PIK3C2G: variants seen among roughly 807,000 people sequenced by gnomAD.
PIK3C2G encodes phosphatidylinositol 3-kinase C2 domain-containing subunit gamma.
A neutral mutation model predicts 181.1 loss-of-function variants in PIK3C2G; 168 were observed. The observed-to-expected ratio is 0.93, with a 90% CI of 0.82 to 1.05. The LOEUF is 1.05. Among genes scored for constraint, PIK3C2G ranks in the 50% least tolerant of loss-of-function variants. The pLI is 0.00. For synonymous variants in PIK3C2G, 573 were observed against 592.2 expected (o/e 0.97, Z 0.47); for missense variants, 1,869 against 1,732.8 (o/e 1.08, Z -1.40).
intron 6 of PIK3C2G, among the ~76,000 whole-genome samples, chr12:18,319,793 A>G (rs1951026058): frequency 6.6e-6 from 1 of 151,928 alleles, no homozygotes; most frequent in Admixed American, 6.6e-5. Flanking sequence ...TGTACTTTTC[A>G]TGACTACAGT....
At chr12:18,571,226 T>C (rs1945922419) in intron 29 of PIK3C2G, among the ~76,000 whole-genome samples, 2 of 151,094 alleles carry the variant, frequency 1.3e-5, no homozygotes, top group Admixed American at 6.6e-5. Context: ...TTTTTTGTTA[T>C]TTCTAGATTA....
intron 1 of PIK3C2G, among the ~76,000 whole-genome samples, chr12:18,272,161 T>C (rs867751748): frequency 6.6e-6 from 1 of 152,320 alleles, no homozygotes; most frequent in African/African-American, 2.4e-5. Flanking sequence ...TATTTTTAAG[T>C]ATTTTTTAAT....
chr12:18,562,423 C>G (rs1448908277), intron 26 of PIK3C2G, among the ~76,000 whole-genome samples: 1 of 152,320 alleles, frequency 6.6e-6, no homozygotes, highest in African/African-American at 2.4e-5. Flanking sequence ...TGAGCCACCG[C>G]GCCGGGCCAC....
the PIK3C2G span, among the ~76,000 whole-genome samples, chr12:18,726,689 T>C: frequency 6.6e-6 from 1 of 152,206 alleles, no homozygotes; most frequent in South Asian, 2.1e-4. Context: ...TATGAAATGT[T>C]ATTTAAAATA....
At chr12:18,349,170 T>C (rs1353091200) in intron 11 of PIK3C2G, among the ~76,000 whole-genome samples, 1 of 152,136 alleles carries the variant, frequency 6.6e-6, no homozygotes, top group Non-Finnish European at 1.5e-5. Context: ...CCACTACTTC[T>C]GCCATATTGT....
chr12:18,587,489 A>G (rs1433508807), intron 29 of PIK3C2G, among the ~76,000 whole-genome samples: 1 of 152,156 alleles, frequency 6.6e-6, no homozygotes, highest in East Asian at 1.9e-4. Flanking sequence ...CTAGGAACAC[A>G]ACTAACCAGA....
chr12:18,726,773 T>C, the PIK3C2G span, among the ~76,000 whole-genome samples: 4 of 152,182 alleles, frequency 2.6e-5, no homozygotes, highest in Admixed American at 2.6e-4. Flanking sequence ...GAGTTGGTTG[T>C]ATCTAAAATT....
At chr12:18,325,663 G>A (rs1951308659) in intron 8 of PIK3C2G, among the ~76,000 whole-genome samples, 2 of 149,882 alleles carry the variant, frequency 1.3e-5, no homozygotes, top group South Asian at 4.3e-4. Flanking sequence ...AGCCGAGATC[G>A]GGCCACTGTA....
chr12:18,340,806 G>A (rs1939064740), intron 9 of PIK3C2G, among the ~76,000 whole-genome samples: 2 of 152,178 alleles, frequency 1.3e-5, no homozygotes. Context: ...TGACAGTGTA[G>A]CTTAAATGAG....
At chr12:18,335,458 A>AGTGTGT (rs142557829) in intron 8 of PIK3C2G, among the ~76,000 whole-genome samples, 1 of 150,666 alleles carries the variant, frequency 6.6e-6, no homozygotes, top group African/African-American at 2.4e-5. Context: ...ACATGTGGGG[A>AGTGTGT]GTGTGTGTGT....
At chr12:18,307,902 C>T (rs887064146) in intron 5 of PIK3C2G, among the ~76,000 whole-genome samples, 1 of 151,882 alleles carries the variant, frequency 6.6e-6, no homozygotes, top group Non-Finnish European at 1.5e-5. Flanking sequence ...TCTAATACTA[C>T]AGTTTCTTTA....
chr12:18,682,331 A>G, the PIK3C2G span, among the ~76,000 whole-genome samples: 6 of 152,098 alleles, frequency 3.9e-5, no homozygotes, highest in African/African-American at 1.4e-4. Flanking sequence ...TATTTTAGTT[A>G]TTAGTTAGGA....
intron 29 of PIK3C2G, among the ~76,000 whole-genome samples, chr12:18,594,146 C>G (rs1251817080): frequency 6.6e-6 from 1 of 151,768 alleles, no homozygotes; most frequent in Non-Finnish European, 1.5e-5. Flanking sequence ...CTCAGAAAGG[C>G]CATCCAAGGA....
intron 26 of PIK3C2G, among the ~76,000 whole-genome samples, chr12:18,550,425 T>C (rs1944664749): frequency 6.6e-6 from 1 of 152,048 alleles, no homozygotes; most frequent in Admixed American, 6.6e-5. Flanking sequence ...CTTGTTTACT[T>C]TGTGTAAATA....
At chr12:18,440,705 G>A (rs545546746) in intron 18 of PIK3C2G, among the ~76,000 whole-genome samples, 1 of 152,052 alleles carries the variant, frequency 6.6e-6, no homozygotes, top group East Asian at 1.9e-4. Context: ...TAGTAGATGA[G>A]GTTACAGGGG....
At chr12:18,562,552 C>A in intron 26 of PIK3C2G, 151 bp from the exon 27 acceptor site, 1 of 567,608 alleles carries the variant, frequency 1.8e-6, no homozygotes, top group Non-Finnish European at 3.1e-6. Flanking sequence ...GAAGTTTATA[C>A]AAATAACGTT....
chr12:18,495,956 C>A, intron 20 of PIK3C2G, 106 bp from the exon 21 acceptor site: 1 of 556,070 alleles, frequency 1.8e-6, no homozygotes, highest in Non-Finnish European at 3.1e-6. Context: ...TTTGTTCATA[C>A]AACAAAGTCT....
chr12:18,354,165 C>A (rs756981083), intron 11 of PIK3C2G, among the ~76,000 whole-genome samples: 4 of 152,238 alleles, frequency 2.6e-5, no homozygotes, highest in Non-Finnish European at 4.4e-5. Context: ...GGGTTAAATT[C>A]TGGAAAGCCT....
intron 8 of PIK3C2G, among the ~76,000 whole-genome samples, chr12:18,328,769 G>C (rs1328047670): frequency 6.6e-6 from 1 of 151,962 alleles, no homozygotes; most frequent in Non-Finnish European, 1.5e-5. Context: ...GAAAAGGTGA[G>C]TACCCGTGTT....
Sources: gnomAD v4.1 joint callset for allele counts (sites outside exome capture counted in the v4.1 genomes callset) on GRCh38, gnomAD v4.1.1 for gene constraint, MANE v1.5 for transcripts, NCBI Gene and HGNC (gene_info 2026-07-23, HGNC 2026-07-21) for gene names.